SCD5: variants seen among roughly 807,000 people sequenced by gnomAD.
SCD5 encodes the protein stearoyl-CoA desaturase 5, also known as acyl-CoA-desaturase 4.
SCD5 carries 20 observed loss-of-function variants against 30.4 expected under a neutral mutation model. The ratio of observed to expected loss-of-function variants is 0.66; its 90% CI spans 0.46 to 0.96. The LOEUF is 0.96. SCD5 is among the 40% of genes least tolerant of loss of function. The pLI, the probability that SCD5 is intolerant of heterozygous loss-of-function variation, is 0.00. For synonymous variants in SCD5, 173 were observed against 176.4 expected (o/e 0.98, Z 0.16); for missense variants, 381 against 443.3 (o/e 0.86, Z 1.26).
At chr4:82,797,324 T>TATCA (rs1323906939) in intron 1 of SCD5, among the ~76,000 whole-genome samples, 3 of 152,194 alleles carry the variant, frequency 2.0e-5, no homozygotes, top group Admixed American at 2.0e-4. Context: ...TCACTCAGCA[T>TATCA]ATCAATGCCT....
chr4:82,652,398 G>T (rs980322205), intron 3 of SCD5, among the ~76,000 whole-genome samples: 1 of 152,162 alleles, frequency 6.6e-6, no homozygotes, highest in Non-Finnish European at 1.5e-5. Context: ...CAGGCAATAG[G>T]GTGAAGTGGA....
intron 2 of SCD5, among the ~76,000 whole-genome samples, chr4:82,695,047 A>ATG (rs1719669361): frequency 7.7e-6 from 1 of 130,196 alleles, no homozygotes; most frequent in Admixed American, 7.3e-5. Context: ...CAGGCGTCTG[A>ATG]AGTGGGGACA....
chr4:82,798,509 T>G lies in SCD5; in HGVS notation c.29A>C (p.Lys10Thr), dbSNP rs756136326. Residue 10 changes from lysine to threonine, a missense_variant, in exon 1 of 5, where the codon AAG becomes ACG. By Grantham distance (78) the Lys-to-Thr change is moderately conservative. Transcript: ENST00000319540. MPGPATDAG[K>T]IPFCDAKEEI... is the part of the protein sequence containing the mutation. ...TTCCTTGGCGTCGCAGAAAGGGATC[T>G]TCCCCGCGTCGGTGGCCGGGCCTGG... The G allele has an allele frequency of 6.2e-7, 1 of 1,606,688 alleles. No individual in the cohort carries two copies. The highest frequency in any genetic ancestry group is 1.1e-5 in the South Asian group (1 of 89,664).
intron 1 of SCD5, among the ~76,000 whole-genome samples, chr4:82,742,985 G>A (rs1257497603): frequency 2.0e-5 from 3 of 152,150 alleles, no homozygotes; most frequent in Non-Finnish European, 2.9e-5. Context: ...CACTGAGAAT[G>A]TGTAAGGAGA....
chr4:82,734,399 C>G (rs1224931756), intron 1 of SCD5, among the ~76,000 whole-genome samples: 1 of 152,210 alleles, frequency 6.6e-6, no homozygotes, highest in Admixed American at 6.5e-5. Flanking sequence ...GACATCCACT[C>G]AAAGCTCTTG....
At chr4:82,755,858 G>A (rs143730807) in intron 1 of SCD5, among the ~76,000 whole-genome samples, 83 of 152,254 alleles carry the variant, frequency 5.5e-4, no homozygotes, top group African/African-American at 1.8e-3. Context: ...AGGCTGGCAC[G>A]GCTCCATTAT....
At chr4:82,675,093 C>A (rs909210227) in intron 3 of SCD5, among the ~76,000 whole-genome samples, 8 of 152,100 alleles carry the variant, frequency 5.3e-5, no homozygotes, top group Non-Finnish European at 1.2e-4. Flanking sequence ...CTATACAACA[C>A]CAACATGAAT....
intron 1 of SCD5, among the ~76,000 whole-genome samples, chr4:82,716,245 C>T (rs17006154): frequency 0.022 from 3,349 of 151,800 alleles, 198 homozygotes; most frequent in African/African-American, 0.077. Context: ...GAAGAACTCA[C>T]GGAGAATGTC....
chr4:82,640,752 T>G (rs1204616021), intron 3 of SCD5, among the ~76,000 whole-genome samples: 1 of 152,202 alleles, frequency 6.6e-6, no homozygotes, highest in Non-Finnish European at 1.5e-5. Flanking sequence ...GCTCCCCAGC[T>G]TCCTCATCTA....
At chr4:82,676,894 A>C (rs1728448024) in intron 3 of SCD5, among the ~76,000 whole-genome samples, 1 of 152,228 alleles carries the variant, frequency 6.6e-6, no homozygotes, top group African/African-American at 2.4e-5. Context: ...AGTCCAGTTA[A>C]CTACTTGTTA....
chr4:82,697,227 A>G (rs971447146), intron 2 of SCD5, among the ~76,000 whole-genome samples: 1 of 152,240 alleles, frequency 6.6e-6, no homozygotes, highest in Non-Finnish European at 1.5e-5. Flanking sequence ...CTTTCTTCCA[A>G]TACAGATGCC....
intron 2 of SCD5, among the ~76,000 whole-genome samples, chr4:82,704,904 G>A (rs1378897047): frequency 6.6e-6 from 1 of 152,218 alleles, no homozygotes; most frequent in Non-Finnish European, 1.5e-5. Context: ...TGGGACACAT[G>A]TAACATCTAG....
At chr4:82,739,591 C>G (rs1388048786) in intron 1 of SCD5, among the ~76,000 whole-genome samples, 1 of 152,232 alleles carries the variant, frequency 6.6e-6, no homozygotes, top group Non-Finnish European at 1.5e-5. Context: ...TTCACGCACA[C>G]AAAACTCACC....
intron 1 of SCD5, among the ~76,000 whole-genome samples, chr4:82,729,269 G>A (rs1047172036): frequency 1.9e-4 from 29 of 152,316 alleles, no homozygotes; most frequent in African/African-American, 5.5e-4. Context: ...TGGAAGGGTC[G>A]GGAAGGGTTT....
chr4:82,690,625 T>C (rs1249347728), intron 2 of SCD5, among the ~76,000 whole-genome samples: 6 of 152,370 alleles, frequency 3.9e-5, no homozygotes, highest in African/African-American at 1.4e-4. Flanking sequence ...TAACATCCTC[T>C]TTCCATTCAT....
At chr4:82,711,086 G>T (rs1720074698) in intron 1 of SCD5, among the ~76,000 whole-genome samples, 1 of 152,052 alleles carries the variant, frequency 6.6e-6, no homozygotes, top group East Asian at 1.9e-4. Context: ...ATTAAAAGGG[G>T]TACTGCATGC....
At chr4:82,760,281 T>A (rs1419212730) in intron 1 of SCD5, among the ~76,000 whole-genome samples, 1 of 152,098 alleles carries the variant, frequency 6.6e-6, no homozygotes, top group Non-Finnish European at 1.5e-5. Flanking sequence ...TTTTCCACCA[T>A]CCATGCCCTG....
chr4:82,784,898 A>G (rs892374554), intron 1 of SCD5, among the ~76,000 whole-genome samples: 2 of 152,224 alleles, frequency 1.3e-5, no homozygotes, highest in African/African-American at 4.8e-5. Flanking sequence ...TAGCTCCTGG[A>G]TTGTTGGCGA....
intron 3 of SCD5, among the ~76,000 whole-genome samples, chr4:82,668,536 T>C (rs1728240507): frequency 6.6e-6 from 1 of 152,192 alleles, no homozygotes; most frequent in Non-Finnish European, 1.5e-5. Flanking sequence ...CAAAACATAG[T>C]TGTCAAATGA....
Sources: allele counts gnomAD v4.1 joint callset (sites outside exome capture counted in the v4.1 genomes callset), GRCh38; gene constraint gnomAD v4.1.1; transcripts MANE v1.5; gene names NCBI Gene and HGNC (gene_info 2026-07-23, HGNC 2026-07-21).